Variants in MECR observed in about 807,000 individuals in gnomAD.
MECR encodes the protein mitochondrial trans-2-enoyl-CoA reductase.
A neutral mutation model predicts 49.1 loss-of-function variants in MECR; 37 were observed. The observed-to-expected ratio is 0.75, with a 90% CI of 0.58 to 0.99. The LOEUF (loss-of-function observed/expected upper bound fraction) is 0.99, where lower values mean the gene tolerates loss of function less well. MECR is among the 50% of genes least tolerant of loss of function. The pLI is 0.00. For missense variants in MECR, 470 were observed against 479.6 expected, an observed-to-expected ratio of 0.98 and a Z score of 0.19; for synonymous variants, 198 against 191.1, an observed-to-expected ratio of 1.04 and a Z score of -0.30.
At chr1:29,184,557 C>T in the MECR span, among the ~76,000 whole-genome samples, 1 of 151,872 alleles carries the variant, frequency 6.6e-6, no homozygotes, top group Non-Finnish European at 1.5e-5. Flanking sequence ...GATTCAAGAC[C>T]AGCCTGGTCA....
intron 3 of MECR, among the ~76,000 whole-genome samples, chr1:29,211,835 G>A (rs1178380267): frequency 6.6e-6 from 1 of 152,198 alleles, no homozygotes; most frequent in Non-Finnish European, 1.5e-5. Context: ...TCTCCCCTGG[G>A]ATTGGCTGCA....
At chr1:29,187,500 A>G in the MECR span, among the ~76,000 whole-genome samples, 1 of 151,888 alleles carries the variant, frequency 6.6e-6, no homozygotes, top group Non-Finnish European at 1.5e-5. Flanking sequence ...GTGAGCCACC[A>G]TGCCTGGCCG....
intron 1 of MECR, among the ~76,000 whole-genome samples, chr1:29,217,004 G>C (rs538481921): frequency 1.3e-5 from 2 of 151,262 alleles, no homozygotes; most frequent in Non-Finnish European, 3.0e-5. Context: ...CGTGGTGGTC[G>C]GCGCCTGTAA....
At chr1:29,187,678 C>T (rs1437934221), downstream of MECR, among the ~76,000 whole-genome samples, 1 of 150,996 alleles carries the variant, frequency 6.6e-6, no homozygotes, top group African/African-American at 2.4e-5. Flanking sequence ...CAGCTCACTG[C>T]AACCTCTGCT....
chr1:29,222,009 A>C (rs989617894), intron 1 of MECR, among the ~76,000 whole-genome samples: 4 of 152,212 alleles, frequency 2.6e-5, no homozygotes, highest in African/African-American at 9.6e-5. Context: ...ATCTTAAGCT[A>C]GACTCCAAAA....
the MECR span, among the ~76,000 whole-genome samples, chr1:29,177,452 T>C: frequency 6.6e-6 from 1 of 152,154 alleles, no homozygotes; most frequent in Non-Finnish European, 1.5e-5. Context: ...CGGCTAACTT[T>C]GTATTTTTAG....
the MECR span, among the ~76,000 whole-genome samples, chr1:29,186,072 A>G: frequency 6.6e-6 from 1 of 152,246 alleles, no homozygotes; most frequent in Non-Finnish European, 1.5e-5. Flanking sequence ...CCTATTGTAC[A>G]GATGGGAAAG....
Position 29,230,806 on chromosome 1 carries a change from TAGG to T in MECR, c.98_100del (p.Ser33del), listed in dbSNP as rs1298443191. On this transcript the variant is annotated inframe_deletion, in exon 1 of 10. Coordinates refer to ENST00000263702, the MANE Select transcript of MECR (RefSeq NM_016011.5). ...CCGGGCAGGCTCGGCGGATGCGGAG[TAGG>T]AGGAGGCGGCAGGTCCGTGACAGCC... 5 of 1,606,290 alleles carry T rather than the reference TAGG, an allele frequency of 3.1e-6. No individual in the cohort carries two copies. The highest frequency in any genetic ancestry group is 3.4e-5 in the Admixed American group (2 of 58,924).
Position 29,200,537 on chromosome 1 carries a change from G to T in MECR, c.809C>A (p.Thr270Lys), listed in dbSNP as rs1438992608. ...ALNCVGGKSS[T>K]ELLRQLARGG... ...TTACGCTAACTGCCGCAGCAGCTCTGTGGAGCTTTTCCCACCAACACAGTT... is the reference window on the plus strand; with the variant it reads ...TTACGCTAACTGCCGCAGCAGCTCTTTGGAGCTTTTCCCACCAACACAGTT... Residue 270 changes from threonine to lysine, a missense_variant, in exon 7 of 10, where the codon ACA becomes AAA. Transcript: ENST00000263702. 2 of 1,613,824 alleles carry T rather than the reference G, an allele frequency of 1.2e-6. No individual in the cohort carries two copies. Among genetic ancestry groups the T allele is most frequent in the Admixed American group, 3.3e-5 (2 of 60,028 alleles).
chr1:29,203,119 T>A lies in MECR; in HGVS notation c.653+12A>T, dbSNP rs1419431141. The A allele has an allele frequency of 7.1e-6, 11 of 1,557,896 alleles. 1 individual carries two copies. The Admixed American group carries it at 2.1e-4, about 29-fold the overall frequency. On this transcript the variant is annotated intron_variant, in intron 5 of 9. Coordinates refer to ENST00000263702, the MANE Select transcript of MECR (RefSeq NM_016011.5). ...AGACATGGTCTGGGATGAAGCCTCC[T>A]TCCCCACGCACCTGTCTCGGACCAC...
chr1:29,229,937 TA>T (rs1468157681), intron 1 of MECR, among the ~76,000 whole-genome samples: 1 of 152,204 alleles, frequency 6.6e-6, no homozygotes, highest in East Asian at 1.9e-4. Flanking sequence ...AACAGAATTT[TA>T]GGAGGAGGAC....
chr1:29,187,306 G>A, the MECR span, among the ~76,000 whole-genome samples: 3 of 149,602 alleles, frequency 2.0e-5, no homozygotes, highest in Non-Finnish European at 3.0e-5. Flanking sequence ...CTCCGCCTCC[G>A]GGTTCAAGCG....
intron 6 of MECR, 38 bp from the exon 7 acceptor site, chr1:29,200,627 G>T: frequency 1.3e-6 from 2 of 1,579,922 alleles, no homozygotes; most frequent in Non-Finnish European, 1.7e-6. Context: ...GAGCATCCCC[G>T]CTCTACATAT....
At chr1:29,173,893 A>G in the MECR span, among the ~76,000 whole-genome samples, 1 of 152,072 alleles carries the variant, frequency 6.6e-6, no homozygotes, top group East Asian at 1.9e-4. Context: ...ACTGTTCAGA[A>G]AAGTAGGAAC....
the MECR span, chr1:29,169,847 A>G: frequency 6.6e-6 from 1 of 152,236 alleles, no homozygotes; most frequent in African/African-American, 2.4e-5. Flanking sequence ...GTAAAACTAA[A>G]TCCTCCCAGA....
intron 5 of MECR, among the ~76,000 whole-genome samples, chr1:29,202,707 A>G (rs938336012): frequency 3.3e-5 from 5 of 152,156 alleles, no homozygotes; most frequent in African/African-American, 9.7e-5. Context: ...TGTCTCCTTC[A>G]CGTCTGTATT....
At chr1:29,221,841 T>C (rs1238131992) in intron 1 of MECR, among the ~76,000 whole-genome samples, 2 of 152,202 alleles carry the variant, frequency 1.3e-5, no homozygotes, top group Non-Finnish European at 2.9e-5. Context: ...TGACAACTTA[T>C]GTCGATGGCT....
the MECR span, among the ~76,000 whole-genome samples, chr1:29,179,482 C>G: frequency 7.0e-4 from 107 of 152,240 alleles, no homozygotes; most frequent in Non-Finnish European, 1.3e-3. Flanking sequence ...GCCTCATCCT[C>G]TGAAGTAGCT....
intron 3 of MECR, among the ~76,000 whole-genome samples, chr1:29,211,127 G>A (rs1167281135): frequency 1.4e-5 from 2 of 142,812 alleles, no homozygotes; most frequent in East Asian, 2.0e-4. Context: ...GTCTTACTCT[G>A]TTGCCCAGGT....
Sources: allele counts gnomAD v4.1 joint callset (sites outside exome capture counted in the v4.1 genomes callset), GRCh38; gene constraint gnomAD v4.1.1; transcripts MANE v1.5; gene names NCBI Gene and HGNC (gene_info 2026-07-23, HGNC 2026-07-21).